The following KAZN variants were observed in gnomAD, a reference collection of about 807,000 sequenced individuals.
The protein encoded by KAZN is kazrin, periplakin interacting protein, also known as kazrin.
A neutral mutation model predicts 87.4 loss-of-function variants in KAZN; 40 were observed. The ratio of observed to expected loss-of-function variants is 0.46; its 90% CI spans 0.36 to 0.60. The LOEUF (loss-of-function observed/expected upper bound fraction) is 0.60, where lower values mean the gene tolerates loss of function less well. Ranked by LOEUF, KAZN falls within the 20% of genes least tolerant of loss-of-function variation. The pLI is 0.00. For missense variants in KAZN, 898 were observed against 1,073.9 expected (o/e 0.84, Z 2.29); for synonymous variants, 466 against 458.3 (o/e 1.02, Z -0.22).
intron 1 of KAZN, chr1:14,924,639 G>A: frequency 1.1e-6 from 1 of 878,390 alleles, no homozygotes; most frequent in Non-Finnish European, 1.4e-6. Context: ...CCGGGGCCGG[G>A]CGCGCGAGGG....
At chr1:14,017,820 A>G (rs562043701) in intron 1 of KAZN, among the ~76,000 whole-genome samples, 1 of 152,276 alleles carries the variant, frequency 6.6e-6, no homozygotes, top group Non-Finnish European at 1.5e-5. Flanking sequence ...CTTTATTTTC[A>G]TCCAGAGCTG....
intron 1 of KAZN, among the ~76,000 whole-genome samples, chr1:13,918,507 T>C (rs11579464): frequency 0.066 from 10,111 of 152,322 alleles, 474 homozygotes; most frequent in South Asian, 0.11. Flanking sequence ...CTGTGAACAT[T>C]GTTGAAATGA....
Position 13,963,759 on chromosome 1 carries a change from C to CTGTG in KAZN, c.91+70045_91+70048dup, listed in dbSNP as rs70987708. ...AAGGGTTAAATGTTTCTGCTGTGGT[C>CTGTG]TGTGTGTGTGTGTGTGTGTGTGTGT... is the stretch of plus-strand genomic sequence containing the variant. On this transcript the variant is annotated intron_variant, in intron 1 of 16. Coordinates refer to the KAZN transcript ENST00000636203. 3.0e-3 allele frequency among the ~76,000 whole-genome samples: 433 copies of CTGTG among 141,994 alleles called. 3 individuals are homozygous for CTGTG. The highest frequency in any genetic ancestry group is 0.023 in the East Asian group (114 of 4,884). The allele number at this position is 141,994 out of a possible 152,430, so 93.2% of individuals were successfully genotyped here.
chr1:14,923,632 C>T lies in KAZN; in HGVS notation c.227-37052C>T, dbSNP rs1392929391. On this transcript the variant is annotated intron_variant, in intron 1 of 14. Coordinates refer to ENST00000376030, the MANE Select transcript of KAZN (RefSeq NM_201628.3). The surrounding 1 kb of genome is among the most constrained non-coding windows in gnomAD (Gnocchi z 4.2). ...GGGCCTCCCACCAGATCTCAGCCCC[C>T]TCGCGATCTCCCCCACCAGACGGTG... Among the ~76,000 whole-genome samples, 1 of 152,230 alleles carries T rather than the reference C, an allele frequency of 6.6e-6. No individual in the cohort carries two copies. Among genetic ancestry groups the T allele is most frequent in the Non-Finnish European group, 1.5e-5 (1 of 68,038 alleles).
chr1:14,410,782 G>C (rs950863903), intron 2 of KAZN, among the ~76,000 whole-genome samples: 4 of 152,168 alleles, frequency 2.6e-5, no homozygotes, highest in African/African-American at 4.8e-5. Context: ...GATGAGAGTG[G>C]TGTGGCCAAT....
At chr1:14,314,795 C>A (rs1655541662) in intron 2 of KAZN, among the ~76,000 whole-genome samples, 1 of 152,018 alleles carries the variant, frequency 6.6e-6, no homozygotes, top group Admixed American at 6.6e-5. Flanking sequence ...TCATTACTCC[C>A]CAAAAAATGT....
At chr1:14,191,632 T>C (rs1646421448) in intron 2 of KAZN, among the ~76,000 whole-genome samples, 1 of 152,172 alleles carries the variant, frequency 6.6e-6, no homozygotes, top group Non-Finnish European at 1.5e-5. Context: ...GTATCCGTCA[T>C]AGTTTTTAAC....
intron 1 of KAZN, among the ~76,000 whole-genome samples, chr1:14,674,598 G>A (rs752298434): frequency 3.9e-5 from 6 of 152,160 alleles, no homozygotes; most frequent in South Asian, 2.1e-4. Context: ...AAGCTTAAGC[G>A]GAGGACAAAG....
At chr1:14,310,730 C>T (rs958432483) in intron 2 of KAZN, among the ~76,000 whole-genome samples, 1 of 152,212 alleles carries the variant, frequency 6.6e-6, no homozygotes, top group African/African-American at 2.4e-5. Flanking sequence ...TCTGCGAACA[C>T]ATCTGCTCAC....
At chr1:14,737,659 C>T (rs1214281321) in intron 1 of KAZN, among the ~76,000 whole-genome samples, 3 of 152,210 alleles carry the variant, frequency 2.0e-5, no homozygotes, top group African/African-American at 7.2e-5. Context: ...AAATCAGGTG[C>T]TGGCTGAGCT....
In KAZN at chr1:13,918,027, G is replaced by A. The variant is rs534890881; in HGVS notation, c.91+24271G>A. 6.1e-4 allele frequency among the ~76,000 whole-genome samples: 93 copies of A among 152,306 alleles called. 2 individuals are homozygous for A. The South Asian group carries it at 0.018, about 30-fold the overall frequency. On this transcript the variant is annotated intron_variant, in intron 1 of 16. Coordinates refer to the KAZN transcript ENST00000636203. ...GAGCTCTGATGAAGATGTACAGGGA[G>A]ATTAATGTTGTTTTCATGCCTGCTA...
At chr1:14,259,223 G>A (rs1188707049) in intron 2 of KAZN, among the ~76,000 whole-genome samples, 2 of 152,028 alleles carry the variant, frequency 1.3e-5, no homozygotes, top group African/African-American at 4.8e-5. Flanking sequence ...AGTATGCTGG[G>A]AGCACGTGTG....
intron 1 of KAZN, among the ~76,000 whole-genome samples, chr1:14,751,983 G>A (rs1472797603): frequency 6.6e-6 from 1 of 152,200 alleles, no homozygotes; most frequent in Non-Finnish European, 1.5e-5. Flanking sequence ...TGTACAAGAA[G>A]CATGGTGCCA....
intron 1 of KAZN, among the ~76,000 whole-genome samples, chr1:14,736,985 C>A (rs189978188): frequency 6.6e-6 from 1 of 152,146 alleles, no homozygotes; most frequent in East Asian, 1.9e-4. Flanking sequence ...TGAAAGAGAT[C>A]GGCGATCGAG....
chr1:14,600,800 C>A (rs1242615071), intron 1 of KAZN, among the ~76,000 whole-genome samples: 1 of 152,084 alleles, frequency 6.6e-6, no homozygotes, highest in African/African-American at 2.4e-5. Context: ...TAGTAAAGGA[C>A]ACTGAACAAT....
intron 2 of KAZN, among the ~76,000 whole-genome samples, chr1:14,992,420 G>A (rs761846289): frequency 6.6e-6 from 1 of 152,156 alleles, no homozygotes; most frequent in Admixed American, 6.5e-5. Context: ...GAAAGTTGCA[G>A]AGACAAATAG....
At chr1:14,181,099 C>A (rs2100313614) in intron 2 of KAZN, among the ~76,000 whole-genome samples, 1 of 152,292 alleles carries the variant, frequency 6.6e-6, no homozygotes, top group South Asian at 2.1e-4. Context: ...TTCAAGGTGT[C>A]TCCTTGTGTA....
At chr1:13,989,135 G>T (rs1162303852) in intron 1 of KAZN, among the ~76,000 whole-genome samples, 1 of 152,142 alleles carries the variant, frequency 6.6e-6, no homozygotes, top group Non-Finnish European at 1.5e-5. Flanking sequence ...ACTCGCTTCT[G>T]TGATAACAAC....
chr1:14,994,759 A>G (rs1428629339), intron 2 of KAZN, among the ~76,000 whole-genome samples: 1 of 152,104 alleles, frequency 6.6e-6, no homozygotes, highest in Non-Finnish European at 1.5e-5. Context: ...TTTGCCAGGG[A>G]CTCAGCCCCT....
Sources: allele counts gnomAD v4.1 joint callset (sites outside exome capture counted in the v4.1 genomes callset), GRCh38; gene constraint gnomAD v4.1.1; non-coding constraint Gnocchi (gnomAD v3.1); transcripts MANE v1.5; gene names NCBI Gene and HGNC (gene_info 2026-07-23, HGNC 2026-07-21).